The following FTSJ3 variants were observed in gnomAD, a reference collection of about 807,000 sequenced individuals.
FTSJ3 encodes the protein FtsJ RNA 2'-O-methyltransferase 3.
In FTSJ3, 46 loss-of-function variants were observed where a neutral mutation model predicts 111.5. The observed-to-expected ratio is 0.41, with a 90% CI of 0.33 to 0.53. The LOEUF is 0.53. Ranked by LOEUF, FTSJ3 falls within the 20% of genes least tolerant of loss-of-function variation. The probability of loss-of-function intolerance (pLI) is 0.19; values close to 1 mark genes in which losing one functional copy is unlikely to be tolerated. For synonymous variants in FTSJ3, 408 were observed against 383.0 expected (o/e 1.07, Z -0.76); for missense variants, 1,075 against 1,063.8 (o/e 1.01, Z -0.15).
chr17:63,827,367 C>A lies in FTSJ3; in HGVS notation c.-342G>T. The A allele has an allele frequency of 1.5e-6, 2 of 1,371,436 alleles. No individual in the cohort carries two copies. The highest frequency in any genetic ancestry group is 2.0e-6 in the Non-Finnish European group (2 of 989,726). The allele number at this position is 1,371,436 out of a possible 1,614,324, so 85.0% of individuals were successfully genotyped here. ...CATCATGGTTCCCTTAGTGTGGTCT[C>A]GCCGCACACCCCGCCCATTGACCCG... On this transcript the variant is annotated 5_prime_UTR_variant, in exon 1 of 21. It introduces an in-frame stop codon into an upstream open reading frame of the 5' UTR. Coordinates refer to ENST00000427159, the MANE Select transcript of FTSJ3 (RefSeq NM_017647.4).
rs750381400 is a variant in FTSJ3, at chr17:63,819,899, C to G, written c.2447G>C (p.Gly816Ala). 1.2e-6 allele frequency: 2 copies of G among 1,614,172 alleles called. No individual in the cohort carries two copies. Among genetic ancestry groups the G allele is most frequent in the East Asian group, 4.5e-5 (2 of 44,874 alleles). ...CACCACCTTGAAATGACCTCTGACT[C>G]CAGCTGGCCGGCGCACTTTGCGGCC... ...GVGRKVRRPAGVRGHFKVVDS... is the reference protein window; with the variant it reads ...GVGRKVRRPAAVRGHFKVVDS... Residue 816 changes from glycine (G) to alanine (A), a missense_variant, in exon 21 of 21, where the codon GGA becomes GCA. Transcript: ENST00000427159.
At chr17:63,820,209 C>CA in intron 19 of FTSJ3, 36 bp from the exon 20 acceptor site, 3 of 545,166 alleles carry the variant, frequency 5.5e-6, no homozygotes, top group South Asian at 1.4e-5. Context: ...TCTTCCCCAT[C>CA]CCCCCACCCC....
rs1264371867 is a variant in FTSJ3 at position 63,823,611 on chromosome 17, A to G, written c.1290+206T>C. The G allele has an allele frequency of 7.3e-6, 4 of 546,530 alleles. No individual in the cohort carries two copies. The East Asian group carries it at 9.2e-5, about 13-fold the overall frequency. 33.9% of individuals were successfully genotyped at this position (546,530 alleles called of 1,614,324 possible). The stretch of plus-strand genomic sequence containing the variant: ...CTCCGTCTCAAAAAAAAAAAAAATA[A>G]ATCTATCACACTCATCTATCTACCT... On this transcript the variant is annotated intron_variant, in intron 13 of 20. Coordinates refer to ENST00000427159, the MANE Select transcript of FTSJ3 (RefSeq NM_017647.4).
intron 2 of FTSJ3, 78 bp from the exon 3 acceptor site, chr17:63,826,750 AG>A: frequency 6.4e-7 from 1 of 1,552,640 alleles, no homozygotes; most frequent in Non-Finnish European, 8.9e-7. Flanking sequence ...CCCCTTCTGC[AG>A]GAGAGGTACA....
chr17:63,820,174 C>A lies in FTSJ3; in HGVS notation c.2257-1G>T. On this transcript the variant is annotated splice_acceptor_variant, in intron 19 of 20. Transcript: ENST00000427159. LOFTEE classifies it high-confidence loss of function. ...TGGTCTGCTCCAGCCTCTTCAGCAT[C>A]TGCAAAGGAACCTGTCAGGTGACCT... 6.2e-7 allele frequency: 1 copy of A among 1,614,158 alleles called. No homozygotes were observed. The highest frequency in any genetic ancestry group is 8.5e-7 in the Non-Finnish European group (1 of 1,180,028).
rs2040109390 is a variant in FTSJ3 at position 63,826,749 on chromosome 17, C to T, written c.68-77G>A. The T allele has an allele frequency of 3.9e-6, 6 of 1,549,594 alleles. No individual in the cohort carries two copies. The South Asian group carries it at 6.7e-5, about 17-fold the overall frequency. ...GCCTCGCAACCGACCACCCCTTCTG[C>T]AGGAGAGGTACATAATGGTCGCAAA... On this transcript the variant is annotated intron_variant, in intron 2 of 20. Transcript: ENST00000427159.
At position 63,825,296 on chromosome 17, in the gene FTSJ3, T is replaced by C. The variant is rs1390001541; in HGVS notation, c.541A>G (p.Thr181Ala). The stretch of plus-strand genomic sequence containing the variant: ...TCATGGCGAGAGGCTTGGGGCTTGG[T>C]GGCCTGGACACGGCGGAACAGCTGC... Reference protein sequence around the residue: ...FQQLFRRVQATKPQASRHESA... With the variant: ...FQQLFRRVQAAKPQASRHESA... The change falls in exon 7 of 21, where the codon ACC (threonine) becomes GCC (alanine). Residue 181 changes from threonine to alanine, a missense_variant. By Grantham distance (58) the Thr-to-Ala change is moderately conservative. Transcript: ENST00000427159. 1 of 1,614,084 alleles carries C rather than the reference T, an allele frequency of 6.2e-7. No individual in the cohort carries two copies. Among genetic ancestry groups the C allele is most frequent in the South Asian group, 1.1e-5 (1 of 91,080 alleles).
chr17:63,824,104 C>T lies in FTSJ3; in HGVS notation c.1134G>A (p.Gln378=), dbSNP rs1567753152. 6.2e-7 allele frequency: 1 copy of T among 1,614,184 alleles called. No individual in the cohort carries two copies. Residue 378 remains glutamine (Q), a synonymous_variant, in exon 12 of 21, where the codon CAG becomes CAA. Coordinates refer to ENST00000427159, the MANE Select transcript of FTSJ3 (RefSeq NM_017647.4). ...TTCACCTCTTCAATTCCGCCACCTC[C>T]TGGGCCTTCATTTCTGCCAAGGTCT... The part of the protein sequence containing the change: ...LNQTLAEMKA[Q]EVAELKRKKK...
rs1260499861 is a variant in FTSJ3, at chr17:63,820,354, A to G, written c.2157T>C (p.Val719=). ...EKQHRIRQLP[V]GKKEVEHYRK... is the part of the protein sequence containing the mutation. ...GGTAATGCTCCACCTCCTTCTTACC[A>G]ACAGGCAACTGTCGTATCCGGTGCT... Residue 719 remains valine (V), a synonymous_variant, in exon 19 of 21, where the codon GTT becomes GTC. Transcript: ENST00000427159. 6.2e-7 allele frequency: 1 copy of G among 1,613,916 alleles called. No homozygotes were observed. Among genetic ancestry groups the G allele is most frequent in the East Asian group, 2.2e-5 (1 of 44,886 alleles).
At chr17:63,823,528 G>A (rs56378979) in intron 13 of FTSJ3, 7,113 of 277,944 alleles carry the variant, frequency 0.026, 146 homozygotes, top group Non-Finnish European at 0.034. Flanking sequence ...CTGGAAGGTG[G>A]AGCTTGCAGT....
rs1393282895 is a variant in FTSJ3 at position 63,827,470 on chromosome 17, G to A, written c.-445C>T. ...GCGCCAAGACGGCTCGGATGCCGGC[G>A]GTCTCTGCTGAAGAGAGAAGATGGC... On this transcript the variant is annotated 5_prime_UTR_variant, in exon 1 of 21. Transcript: ENST00000427159. 7 of 1,551,604 alleles carry A rather than the reference G, an allele frequency of 4.5e-6. No homozygotes were observed. The East Asian group carries it at 9.8e-5, about 22-fold the overall frequency.
chr17:63,820,903 G>A lies in FTSJ3; in HGVS notation c.2008C>T (p.Leu670=). The A allele has an allele frequency of 6.2e-7, 1 of 1,614,180 alleles. No individual in the cohort carries two copies. Among genetic ancestry groups the A allele is most frequent in the South Asian group, 1.1e-5 (1 of 91,086 alleles). ...TTGGAAGAGGCAATAACAGCACCTA[G>A]AGCAAGGCCTTCGGGGTCCAGTATC... ...HRILDPEGLA[L]GAVIASSKKA... Residue 670 remains leucine, a synonymous_variant, in exon 18 of 21, where the codon CTA becomes TTA. Transcript: ENST00000427159.
Position 63,819,610 on chromosome 17 carries a change from C to A in FTSJ3, c.*192G>T. The A allele has an allele frequency of 1.7e-6, 1 of 585,970 alleles. No homozygotes were observed. The highest frequency in any genetic ancestry group is 2.3e-5 in the South Asian group (1 of 43,400). 36.3% of individuals were successfully genotyped at this position (585,970 alleles called of 1,614,324 possible). ...GTTCAGCAGTGTTTTCATGGGAGAC[C>A]TTCAGGCAGGCAGGAGGACATCCTC... On this transcript the variant is annotated 3_prime_UTR_variant, in exon 21 of 21. Coordinates refer to ENST00000427159, the MANE Select transcript of FTSJ3 (RefSeq NM_017647.4).
intron 13 of FTSJ3, among the ~76,000 whole-genome samples, chr17:63,823,430 C>G (rs1016315906): frequency 1.3e-5 from 2 of 152,078 alleles, no homozygotes; most frequent in African/African-American, 4.8e-5. Context: ...CCCGTCTCTA[C>G]TAAAAATACA....
At position 63,824,863 on chromosome 17, in the gene FTSJ3, C is replaced by G. The variant is rs1412886596; in HGVS notation, c.778G>C (p.Ala260Pro). 6 of 1,602,782 alleles carry G rather than the reference C, an allele frequency of 3.7e-6. No homozygotes were observed. The South Asian group carries it at 6.7e-5, about 18-fold the overall frequency. ...HRTSVTDFLR[A>P]ANPVDFLSKA... ...GAGAGGAAGTCAACAGGGTTGGCAG[C>G]TCGGAGGAAGTCAGTGACTGAGGTA... Residue 260 changes from alanine (A) to proline (P), a missense_variant, in exon 9 of 21, where the codon GCT becomes CCT. By Grantham distance (27) the Ala-to-Pro change is conservative. Transcript: ENST00000427159.
chr17:63,821,603 A>T lies in FTSJ3; in HGVS notation c.1637T>A (p.Leu546Gln). ...AGIEDDADEA[L>Q]EISQAQLLFE... The stretch of plus-strand genomic sequence containing the variant: ...TAACAGCTGGGCCTGACTGATCTCC[A>T]GGGCCTCATCGGCATCGTCCTCGAT... The change falls in exon 16 of 21, where the codon CTG becomes CAG. Residue 546 changes from leucine to glutamine, a missense_variant. Transcript: ENST00000427159. 6.2e-7 allele frequency: 1 copy of T among 1,613,686 alleles called. No homozygotes were observed. Among genetic ancestry groups the T allele is most frequent in the Non-Finnish European group, 8.5e-7 (1 of 1,179,658 alleles).
At chr17:63,825,024 G>C in intron 8 of FTSJ3, 24 bp downstream of exon 8, 3 of 1,606,490 alleles carry the variant, frequency 1.9e-6, no homozygotes, top group Non-Finnish European at 2.6e-6. Flanking sequence ...GGACCCAAGA[G>C]TGACCCCATT....
rs766915447 is a variant in FTSJ3, at chr17:63,826,941, T to C, written c.-26-13A>G. The C allele has an allele frequency of 1.3e-6, 2 of 1,553,756 alleles. No homozygotes were observed. Among genetic ancestry groups the C allele is most frequent in the South Asian group, 1.1e-5 (1 of 89,882 alleles). ...AGTATCCCTCAATCTGGGGAGAAAG[T>C]AGAAGTTGGGAACGTCTCTTTCCGG... On this transcript the variant is annotated splice_polypyrimidine_tract_variant and intron_variant, in intron 1 of 20. Transcript: ENST00000427159.
chr17:63,824,610 G>A (rs373850730), intron 10 of FTSJ3, 27 bp downstream of exon 10: 3 of 1,572,958 alleles, frequency 1.9e-6, no homozygotes, highest in Non-Finnish European at 2.6e-6. Flanking sequence ...CAGGGCTCCT[G>A]GCCCCCGTGC....
Sources: gnomAD v4.1 joint callset for allele counts (sites outside exome capture counted in the v4.1 genomes callset) on GRCh38, gnomAD v4.1.1 for gene constraint, MANE v1.5 for transcripts, NCBI Gene and HGNC (gene_info 2026-07-23, HGNC 2026-07-21) for gene names.